CPQ: variants seen among roughly 807,000 people sequenced by gnomAD.
CPQ encodes the protein Ser-Met dipeptidase.
A neutral mutation model predicts 45.7 loss-of-function variants in CPQ; 37 were observed. That is an observed-to-expected ratio of 0.81 (90% CI 0.62 to 1.07). The LOEUF (loss-of-function observed/expected upper bound fraction) is 1.07, where lower values mean the gene tolerates loss of function less well. Among genes scored for constraint, CPQ ranks in the 50% least tolerant of loss-of-function variants. The probability of loss-of-function intolerance (pLI) is 0.00; values close to 1 mark genes in which losing one functional copy is unlikely to be tolerated. For synonymous variants in CPQ, 186 were observed against 205.8 expected (o/e 0.90, Z 0.82); for missense variants, 537 against 572.9 (o/e 0.94, Z 0.64).
intron 4 of CPQ, among the ~76,000 whole-genome samples, chr8:96,927,654 CTG>C (rs1340159725): frequency 6.6e-6 from 1 of 152,174 alleles, no homozygotes; most frequent in East Asian, 1.9e-4. Context: ...TGCAGAAGTG[CTG>C]AAAACCCTAT....
chr8:96,912,412 A>G (rs1418371596), intron 4 of CPQ, among the ~76,000 whole-genome samples: 2 of 152,186 alleles, frequency 1.3e-5, no homozygotes, highest in African/African-American at 2.4e-5. Context: ...CTTCGTGAGC[A>G]TATTGTTTGT....
In CPQ at chr8:96,782,380, C is replaced by G. The variant is rs111268083; in HGVS notation, c.-34-2484C>G. On this transcript the variant is annotated intron_variant, in intron 1 of 7. Coordinates refer to ENST00000220763, the MANE Select transcript of CPQ (RefSeq NM_016134.4). ...CCTGCTCAAGCTATGGCTGGAGCAG[C>G]TTAAGGGCACTGCACCAGAATGTGG... 4.7e-3 allele frequency among the ~76,000 whole-genome samples: 712 copies of G among 152,192 alleles called. 5 individuals carry two copies. The highest frequency in any genetic ancestry group is 0.016 in the African/African-American group (657 of 41,532).
chr8:97,009,199 C>G (rs1372658872), intron 5 of CPQ, among the ~76,000 whole-genome samples: 4 of 152,248 alleles, frequency 2.6e-5, no homozygotes, highest in Non-Finnish European at 4.4e-5. Context: ...AGCACTTGTT[C>G]TCCATCTGAA....
chr8:96,869,741 A>G (rs1812041978), intron 3 of CPQ, among the ~76,000 whole-genome samples: 3 of 152,080 alleles, frequency 2.0e-5, no homozygotes, highest in South Asian at 4.1e-4. Flanking sequence ...CCCTGGACCT[A>G]CTAAATCAGA....
chr8:96,711,330 G>A (rs1315324553), intron 1 of CPQ, among the ~76,000 whole-genome samples: 1 of 152,056 alleles, frequency 6.6e-6, no homozygotes, highest in East Asian at 1.9e-4. Flanking sequence ...TACATTCAAT[G>A]TTAATACTGA....
At chr8:96,691,153 G>A (rs1356991495) in intron 1 of CPQ, among the ~76,000 whole-genome samples, 1 of 152,164 alleles carries the variant, frequency 6.6e-6, no homozygotes, top group Non-Finnish European at 1.5e-5. Flanking sequence ...TAACAGCAGG[G>A]ATGCTGTTCC....
At chr8:96,697,520 C>A (rs1229800996) in intron 1 of CPQ, among the ~76,000 whole-genome samples, 2 of 151,916 alleles carry the variant, frequency 1.3e-5, no homozygotes, top group Non-Finnish European at 2.9e-5. Context: ...AGCAATTAGA[C>A]AAGAGAAAGA....
chr8:96,757,556 A>G (rs1442294252), intron 1 of CPQ, among the ~76,000 whole-genome samples: 1 of 151,640 alleles, frequency 6.6e-6, no homozygotes, highest in African/African-American at 2.4e-5. Context: ...TCTGTTCTTC[A>G]TTATTGTCAA....
chr8:96,965,142 CTATT>C (rs2130361086), intron 4 of CPQ, among the ~76,000 whole-genome samples: 1 of 152,062 alleles, frequency 6.6e-6, no homozygotes, highest in Admixed American at 6.5e-5. Flanking sequence ...TGAAATCCAG[CTATT>C]TATTTATTCA....
chr8:96,963,810 G>C (rs1813504442), intron 4 of CPQ, among the ~76,000 whole-genome samples: 1 of 152,010 alleles, frequency 6.6e-6, no homozygotes, highest in African/African-American at 2.4e-5. Flanking sequence ...CACCCCAAAA[G>C]GTTTCCTCTA....
chr8:96,782,856 C>A (rs1464423845), intron 1 of CPQ, among the ~76,000 whole-genome samples: 1 of 152,152 alleles, frequency 6.6e-6, no homozygotes, highest in African/African-American at 2.4e-5. Context: ...TGTTAAAGCC[C>A]TCAGGCATGG....
rs1227411469 is a variant in CPQ at position 96,673,472 on chromosome 8, G to T, written c.-35+28070G>T. On this transcript the variant is annotated intron_variant, in intron 1 of 7. Transcript: ENST00000220763. ...TAGGCCTGTGACCAGCCTGATTGGTGGTGGGAGGGGACAAATCAGAGGTAC... is the reference window on the plus strand; with the variant it reads ...TAGGCCTGTGACCAGCCTGATTGGTTGTGGGAGGGGACAAATCAGAGGTAC... Among the ~76,000 whole-genome samples the T allele has an allele frequency of 2.0e-5, 3 of 152,226 alleles. No homozygotes were observed. The East Asian group carries it at 5.8e-4, about 29-fold the overall frequency.
intron 5 of CPQ, 41 bp downstream of exon 5, chr8:96,966,087 C>A: frequency 7.1e-7 from 1 of 1,408,680 alleles, no homozygotes; most frequent in South Asian, 1.2e-5. Context: ...GTGAGGATCT[C>A]AGTGACATGT....
intron 2 of CPQ, among the ~76,000 whole-genome samples, chr8:96,786,757 A>T (rs573095166): frequency 1.3e-5 from 2 of 152,028 alleles, no homozygotes; most frequent in Non-Finnish European, 2.9e-5. Flanking sequence ...TTTGATTTGC[A>T]TTTCCCTAAT....
chr8:97,116,482 C>G (rs747645939), intron 7 of CPQ, among the ~76,000 whole-genome samples: 1 of 152,196 alleles, frequency 6.6e-6, no homozygotes, highest in Non-Finnish European at 1.5e-5. Flanking sequence ...TCAGTGGTGA[C>G]TATTTCTGTA....
intron 5 of CPQ, among the ~76,000 whole-genome samples, chr8:96,986,467 T>C (rs1372306635): frequency 6.6e-6 from 1 of 152,194 alleles, no homozygotes; most frequent in Non-Finnish European, 1.5e-5. Flanking sequence ...ATACGGATTT[T>C]TTTTTGCAAC....
At chr8:96,893,337 A>G (rs1237115041) in intron 4 of CPQ, among the ~76,000 whole-genome samples, 2 of 152,202 alleles carry the variant, frequency 1.3e-5, no homozygotes, top group South Asian at 2.1e-4. Context: ...GCAGGACGCT[A>G]TGTTATAAGC....
chr8:96,758,282 A>G lies in CPQ; in HGVS notation c.-34-26582A>G, dbSNP rs185519450. Among the ~76,000 whole-genome samples the G allele has an allele frequency of 3.3e-5, 5 of 152,300 alleles. No individual in the cohort carries two copies. In the East Asian group the frequency reaches 7.7e-4, roughly 24 times the overall value. ...CCCATAAGACTGATTGCTGCTCACT[A>G]TATTTCTCACCACTGTAGCCCCTGT... On this transcript the variant is annotated intron_variant, in intron 1 of 7. Transcript: ENST00000220763.
intron 1 of CPQ, among the ~76,000 whole-genome samples, chr8:96,766,534 C>T (rs1810469871): frequency 6.6e-6 from 1 of 152,124 alleles, no homozygotes; most frequent in Non-Finnish European, 1.5e-5. Flanking sequence ...TGGAACAGAA[C>T]AGCAGTGTGG....
Sources: gnomAD v4.1 joint callset for allele counts (sites outside exome capture counted in the v4.1 genomes callset) on GRCh38, gnomAD v4.1.1 for gene constraint, MANE v1.5 for transcripts, NCBI Gene and HGNC (gene_info 2026-07-23, HGNC 2026-07-21) for gene names.